Variants in MAL2 observed in about 807,000 individuals in gnomAD.
MAL2 encodes mal, T cell differentiation protein 2.
In MAL2, 17 loss-of-function variants were observed where a neutral mutation model predicts 18.1. The ratio of observed to expected loss-of-function variants is 0.94; its 90% CI spans 0.64 to 1.41. MAL2 has a LOEUF of 1.41. Ranked by LOEUF, MAL2 falls within the 40% of genes most tolerant of loss-of-function variation. MAL2 has a pLI of 0.00. For synonymous variants in MAL2, 102 were observed against 102.3 expected, an observed-to-expected ratio of 1.00 and a Z score of 0.02; for missense variants, 222 against 231.9, an observed-to-expected ratio of 0.96 and a Z score of 0.28.
intron 2 of MAL2, among the ~76,000 whole-genome samples, chr8:119,231,866 T>TTGAATTCACCTTGAACAGC (rs1409505273): frequency 7.9e-5 from 12 of 152,152 alleles, no homozygotes; most frequent in African/African-American, 2.7e-4. Flanking sequence ...TCTTGAACAG[T>TTGAATTCACCTTGAACAGC]TGAATTCACA....
chr8:119,223,802 CTTTTT>C (rs373097239), intron 2 of MAL2: 1 of 151,678 alleles, frequency 6.6e-6, no homozygotes, highest in South Asian at 2.1e-4. Flanking sequence ...GTGTGTGGGT[CTTTTT>C]TTTATTATTA....
At chr8:119,240,066 A>G in intron 2 of MAL2, 99 bp from the exon 3 acceptor site, 1 of 1,233,470 alleles carries the variant, frequency 8.1e-7, no homozygotes, top group East Asian at 2.4e-5. Flanking sequence ...TTGTTTAATT[A>G]AATGTTTTGA....
intron 1 of MAL2, among the ~76,000 whole-genome samples, chr8:119,210,441 C>T (rs1248201174): frequency 6.6e-6 from 1 of 151,966 alleles, no homozygotes; most frequent in Non-Finnish European, 1.5e-5. Flanking sequence ...AAATCTAGCC[C>T]AGAGGTTAGT....
rs112700190 is a variant in MAL2, at chr8:119,225,070, A to G, written c.303+3313A>G. 8.9e-3 allele frequency among the ~76,000 whole-genome samples: 1,350 copies of G among 151,886 alleles called. 18 individuals are homozygous for G. Among genetic ancestry groups the G allele is most frequent in the African/African-American group, 0.029 (1,220 of 41,424 alleles). ...ATAGACGATGCAGCTTTTTTTTTTA[A>G]GATTAACTTTGTAGAGTTTTACTAC... is the stretch of plus-strand genomic sequence containing the variant. On this transcript the variant is annotated intron_variant, in intron 2 of 3. Transcript: ENST00000614891.
chr8:119,239,909 TAAAAA>T (rs1014975985), intron 2 of MAL2, among the ~76,000 whole-genome samples: 1 of 151,930 alleles, frequency 6.6e-6, no homozygotes, highest in South Asian at 2.1e-4. Context: ...AGTATAATAA[TAAAAA>T]AATAAAATTA....
chr8:119,232,784 T>C (rs1488474308), intron 2 of MAL2, among the ~76,000 whole-genome samples: 1 of 152,208 alleles, frequency 6.6e-6, no homozygotes, highest in Non-Finnish European at 1.5e-5. Flanking sequence ...ACAGCATATG[T>C]TATGGCTTTT....
At chr8:119,225,271 T>G (rs1817562867) in intron 2 of MAL2, among the ~76,000 whole-genome samples, 1 of 144,790 alleles carries the variant, frequency 6.9e-6, no homozygotes, top group Non-Finnish European at 1.5e-5. Flanking sequence ...CCCTCCCCAC[T>G]CCCCCCACCC....
At chr8:119,214,468 A>G (rs1489677306) in intron 1 of MAL2, among the ~76,000 whole-genome samples, 1 of 152,228 alleles carries the variant, frequency 6.6e-6, no homozygotes, top group Non-Finnish European at 1.5e-5. Context: ...AAGAAAGGAA[A>G]GAGGCAGTGA....
intron 2 of MAL2, among the ~76,000 whole-genome samples, chr8:119,230,807 T>C (rs1053358234): frequency 6.6e-6 from 1 of 152,220 alleles, no homozygotes; most frequent in Admixed American, 6.5e-5. Context: ...ATTTGGGGTT[T>C]GACCTTCATC....
Position 119,208,429 on chromosome 8 carries a change from G to GAGGCGGC in MAL2, c.-43_-37dup. 9.1e-7 allele frequency: 1 copy of GAGGCGGC among 1,094,688 alleles called. No homozygotes were observed. 67.8% of individuals were successfully genotyped at this position (1,094,688 alleles called of 1,614,324 possible). On this transcript the variant is annotated 5_prime_UTR_variant, in exon 1 of 4. Transcript: ENST00000614891. This position sits in a 1 kb window ranked among gnomAD's most constrained non-coding sequence, Gnocchi z 4.3. ...GCAGGAGCCCGGGAGGCGGAGGCGG[G>GAGGCGGC]AGGCGGCGGCGGCGCGCGGAGACGC...
chr8:119,226,445 TG>T (rs1370851753), intron 2 of MAL2, among the ~76,000 whole-genome samples: 2 of 139,106 alleles, frequency 1.4e-5, no homozygotes, highest in African/African-American at 5.5e-5. Flanking sequence ...AGTTTGACCC[TG>T]AAACGAAGAG....
intron 2 of MAL2, among the ~76,000 whole-genome samples, chr8:119,225,429 C>T (rs922466924): frequency 3.3e-5 from 5 of 152,184 alleles, no homozygotes; most frequent in Non-Finnish European, 7.3e-5. Context: ...CCAGCTTCAT[C>T]CATGTCCATG....
chr8:119,236,970 C>CA (rs943216170), intron 2 of MAL2, among the ~76,000 whole-genome samples: 3 of 150,902 alleles, frequency 2.0e-5, no homozygotes, highest in Non-Finnish European at 4.4e-5. Flanking sequence ...AATAGAGACA[C>CA]AAAAAACCCT....
chr8:119,208,522 C>T lies in MAL2; in HGVS notation c.50C>T (p.Ser17Phe). ...CCGCCGCCCCCGAACCCCGCCGTGT[C>T]CTTCCCGCCGCCCCGGGTCACCCTG... ...SVPPPPNPAV[S>F]FPPPRVTLPA... The change falls in exon 1 of 4, where the codon TCC becomes TTC. Residue 17 changes from serine (S) to phenylalanine (F), a missense_variant. By Grantham distance (155) the Ser-to-Phe change is radical. Transcript: ENST00000614891. This position sits in a 1 kb window ranked among gnomAD's most constrained non-coding sequence, Gnocchi z 4.3. 2 of 1,383,984 alleles carry T rather than the reference C, an allele frequency of 1.4e-6. No homozygotes were observed. The highest frequency in any genetic ancestry group is 3.3e-5 in the South Asian group (2 of 59,772). The allele number at this position is 1,383,984 out of a possible 1,614,324, so 85.7% of individuals were successfully genotyped here. A position where few individuals can be genotyped will look rare whatever the true frequency, so the allele number is the denominator to read the frequency against.
chr8:119,229,088 G>A (rs1563773501), intron 2 of MAL2, among the ~76,000 whole-genome samples: 1 of 152,106 alleles, frequency 6.6e-6, no homozygotes, highest in Non-Finnish European at 1.5e-5. Context: ...TGATGCCAAA[G>A]GATTGCTAAC....
chr8:119,240,187 T>G lies in MAL2; in HGVS notation c.326T>G (p.Val109Gly). The change falls in exon 3 of 4, where the codon GTA becomes GGA. Residue 109 changes from valine (V) to glycine (G), a missense_variant. Transcript: ENST00000614891. ...NFLDFAYHFTVFVFYFGAFLL... is the reference protein window; with the variant it reads ...NFLDFAYHFTGFVFYFGAFLL... ...TAGGATTTTGCCTACCATTTTACAG[T>G]ATTTGTCTTCTATTTTGGAGCCTTT... 6.2e-7 allele frequency: 1 copy of G among 1,613,774 alleles called. No homozygotes were observed. The highest frequency in any genetic ancestry group is 8.5e-7 in the Non-Finnish European group (1 of 1,179,780).
At chr8:119,217,812 A>T (rs1328813536) in intron 1 of MAL2, among the ~76,000 whole-genome samples, 1 of 152,154 alleles carries the variant, frequency 6.6e-6, no homozygotes, top group East Asian at 1.9e-4. Flanking sequence ...AGTCGTCTCT[A>T]CTGAACAGGA....
At position 119,208,365 on chromosome 8, in the gene MAL2, G is replaced by A; in HGVS notation, c.-108G>A. 1.8e-6 allele frequency: 1 copy of A among 547,264 alleles called. No homozygotes were observed. The highest frequency in any genetic ancestry group is 2.3e-6 in the Non-Finnish European group (1 of 428,836). 33.9% of individuals were successfully genotyped at this position (547,264 alleles called of 1,614,324 possible). Reference sequence around the variant, plus strand: ...GGCCACGCCTCCTCCCGCGCGGCGCGCCCGGAGCCCGCGGAGCTGAGCGGC... The same window carrying A: ...GGCCACGCCTCCTCCCGCGCGGCGCACCCGGAGCCCGCGGAGCTGAGCGGC... On this transcript the variant is annotated 5_prime_UTR_variant, in exon 1 of 4. Transcript: ENST00000614891. This position sits in a 1 kb window ranked among gnomAD's most constrained non-coding sequence, Gnocchi z 4.3.
chr8:119,238,625 A>G (rs1817967591), intron 2 of MAL2, among the ~76,000 whole-genome samples: 2 of 149,564 alleles, frequency 1.3e-5, no homozygotes, highest in Admixed American at 1.3e-4. Context: ...AACGCCACAT[A>G]TCTACAACTA....
Sources: gnomAD v4.1 joint callset for allele counts (sites outside exome capture counted in the v4.1 genomes callset) on GRCh38, gnomAD v4.1.1 for gene constraint, Gnocchi (gnomAD v3.1) non-coding constraint, MANE v1.5 for transcripts, NCBI Gene and HGNC (gene_info 2026-07-23, HGNC 2026-07-21) for gene names.